The following TMTC1 variants were observed in gnomAD, a reference collection of about 807,000 sequenced individuals.
TMTC1 encodes protein O-mannosyl-transferase TMTC1.
TMTC1 carries 73 observed loss-of-function variants against 104.8 expected under a neutral mutation model. The observed-to-expected ratio is 0.70, with a 90% CI of 0.58 to 0.85. The LOEUF is 0.85. Among genes scored for constraint, TMTC1 ranks in the 40% least tolerant of loss-of-function variants. The pLI, the probability that TMTC1 is intolerant of heterozygous loss-of-function variation, is 0.00. For synonymous variants in TMTC1, 434 were observed against 428.7 expected (o/e 1.01, Z -0.15); for missense variants, 1,035 against 1,096.1 (o/e 0.94, Z 0.79).
intron 10 of TMTC1, among the ~76,000 whole-genome samples, chr12:29,546,265 T>A (rs558250500): frequency 1.3e-5 from 2 of 152,296 alleles, no homozygotes; most frequent in African/African-American, 4.8e-5. Flanking sequence ...AAGTGCCAGT[T>A]ACTGTTGTCC....
rs185977843 is a variant in TMTC1, at chr12:29,730,398, T to C, written c.938+21268A>G. On this transcript the variant is annotated intron_variant, in intron 5 of 17. Coordinates refer to ENST00000539277, the MANE Select transcript of TMTC1 (RefSeq NM_001193451.2). Reference sequence around the variant, plus strand: ...TAAGCTAAATGTCTTATTAGGAATATGTGTCACTTAAAATTCTGAGTTTGG... The same window carrying C: ...TAAGCTAAATGTCTTATTAGGAATACGTGTCACTTAAAATTCTGAGTTTGG... 1.1e-4 allele frequency among the ~76,000 whole-genome samples: 16 copies of C among 152,356 alleles called. 1 individual carries two copies. The highest frequency in any genetic ancestry group is 5.2e-4 in the Admixed American group (8 of 15,304).
chr12:29,716,297 C>T (rs549511374), intron 5 of TMTC1, among the ~76,000 whole-genome samples: 11 of 152,090 alleles, frequency 7.2e-5, no homozygotes, highest in African/African-American at 2.2e-4. Flanking sequence ...TTTGAGATTA[C>T]GGGTATGAGC....
intron 5 of TMTC1, among the ~76,000 whole-genome samples, chr12:29,671,069 G>T (rs548249393): frequency 1.3e-5 from 2 of 151,356 alleles, no homozygotes; most frequent in Non-Finnish European, 2.9e-5. Flanking sequence ...TGAGGTGGGC[G>T]GATCACGAGG....
chr12:29,540,683 TA>T (rs35884497), intron 10 of TMTC1, among the ~76,000 whole-genome samples: 150,734 of 151,546 alleles, frequency 0.99, 74,964 homozygotes, highest in Middle Eastern at 1. Flanking sequence ...TGCATTCGTT[TA>T]AAAAAAAAAA....
In TMTC1 at chr12:29,689,933, G is replaced by T. The variant is rs564710884; in HGVS notation, c.939-56597C>A. Among the ~76,000 whole-genome samples the T allele has an allele frequency of 6.6e-5, 10 of 152,202 alleles. No homozygotes were observed. In the South Asian group the frequency reaches 2.1e-3, roughly 32 times the overall value. Reference sequence around the variant, plus strand: ...AACTGTGTGTTCCTGATTATTACAAGGTAGATCATTGCATATTTGACCAAG... The same window carrying T: ...AACTGTGTGTTCCTGATTATTACAATGTAGATCATTGCATATTTGACCAAG... On this transcript the variant is annotated intron_variant, in intron 5 of 17. Transcript: ENST00000539277.
At chr12:29,524,397 A>C (rs937478979) in intron 11 of TMTC1, among the ~76,000 whole-genome samples, 1 of 152,176 alleles carries the variant, frequency 6.6e-6, no homozygotes, top group Non-Finnish European at 1.5e-5. Context: ...ACATGTAACA[A>C]ATAGAGTCAG....
At chr12:29,608,236 A>G (rs1490209700) in intron 6 of TMTC1, among the ~76,000 whole-genome samples, 2 of 152,206 alleles carry the variant, frequency 1.3e-5, no homozygotes, top group African/African-American at 2.4e-5. Flanking sequence ...ACTAGGAGGG[A>G]ACCCGATTCT....
intron 6 of TMTC1, among the ~76,000 whole-genome samples, chr12:29,615,023 G>C (rs1946941387): frequency 6.6e-6 from 1 of 152,192 alleles, no homozygotes; most frequent in Non-Finnish European, 1.5e-5. Context: ...GCCAATGTCA[G>C]GGAAGCTGCC....
In TMTC1 at chr12:29,644,003, A is replaced by AATATAAATAT. The variant is rs1555180986; in HGVS notation, c.939-10677_939-10668dup. Among the ~76,000 whole-genome samples, 6 of 48,198 alleles carry AATATAAATAT rather than the reference A, an allele frequency of 1.2e-4. No individual in the cohort carries two copies. In the East Asian group the frequency reaches 4.5e-3, roughly 36 times the overall value. The allele number at this position is 48,198 out of a possible 152,430, so 31.6% of individuals were successfully genotyped here. ...TATATAAATATATAATTTATATATA[A>AATATAAATAT]ATATAAATATATAATTTATATATAA... is the stretch of plus-strand genomic sequence containing the variant. On this transcript the variant is annotated intron_variant, in intron 5 of 17. Coordinates refer to ENST00000539277, the MANE Select transcript of TMTC1 (RefSeq NM_001193451.2).
At chr12:29,666,651 G>A (rs1940299755) in intron 5 of TMTC1, among the ~76,000 whole-genome samples, 1 of 152,076 alleles carries the variant, frequency 6.6e-6, no homozygotes, top group African/African-American at 2.4e-5. Flanking sequence ...ACTTTCCACT[G>A]GAAATGGTAA....
chr12:29,702,723 C>G (rs937146534), intron 5 of TMTC1, among the ~76,000 whole-genome samples: 6 of 152,174 alleles, frequency 3.9e-5, no homozygotes, highest in Non-Finnish European at 1.5e-5. Context: ...GCCGGCCACT[C>G]CGTTACTGTA....
In TMTC1 at chr12:29,583,592, A is replaced by G. The variant is rs1341809660; in HGVS notation, c.1251-18T>C. 2 of 1,608,302 alleles carry G rather than the reference A, an allele frequency of 1.2e-6. No homozygotes were observed. Among genetic ancestry groups the G allele is most frequent in the Non-Finnish European group, 1.7e-6 (2 of 1,177,154 alleles). On this transcript the variant is annotated intron_variant, in intron 7 of 17. Transcript: ENST00000539277. ...AGCCCATGCTGGAAAACAGGGTGGAAGGAACGGGATTACTTTGGGGGTGCA... is the reference window on the plus strand; with the variant it reads ...AGCCCATGCTGGAAAACAGGGTGGAGGGAACGGGATTACTTTGGGGGTGCA...
chr12:29,645,763 G>A (rs77089643), intron 5 of TMTC1, among the ~76,000 whole-genome samples: 2,297 of 152,252 alleles, frequency 0.015, 56 homozygotes, highest in African/African-American at 0.053. Flanking sequence ...TGCTGACCAC[G>A]CATCAGGCTC....
Position 29,767,951 on chromosome 12 carries a change from G to A in TMTC1, c.427C>T (p.Leu143Phe), listed in dbSNP as rs1447643947. The A allele has an allele frequency of 6.2e-7, 1 of 1,613,926 alleles. No individual in the cohort carries two copies. The highest frequency in any genetic ancestry group is 1.7e-5 in the Admixed American group (1 of 60,014). Residue 143 changes from leucine (L) to phenylalanine (F), a missense_variant, in exon 2 of 18, where the codon CTT (leucine) becomes TTT (phenylalanine). Physicochemically the swap from Leu to Phe is conservative, Grantham distance 22. Transcript: ENST00000539277. The stretch of plus-strand genomic sequence containing the variant: ...AAAAGCAATGCCGTTACAAAAGCAA[G>A]TCCACGATTCTTGAAGACAGTTTTA... ...CDKTVFKNRG[L>F]AFVTALLFAV...
intron 5 of TMTC1, among the ~76,000 whole-genome samples, chr12:29,646,632 T>C (rs546360452): frequency 1.2e-4 from 18 of 152,274 alleles, no homozygotes; most frequent in African/African-American, 4.3e-4. Context: ...TGTGACAAAT[T>C]AAATAAATTA....
rs1943857175 is a variant in TMTC1 at position 29,512,125 on chromosome 12, A to G, written c.2431-5T>C. 6.2e-7 allele frequency: 1 copy of G among 1,602,942 alleles called. No homozygotes were observed. Among genetic ancestry groups the G allele is most frequent in the Non-Finnish European group, 8.5e-7 (1 of 1,175,380 alleles). ...TTGCACAGCCACTCTATAGCTCTAA[A>G]TAAATAAGAAATATCCTCAGGTTAG... On this transcript the variant is annotated splice_region_variant and splice_polypyrimidine_tract_variant and intron_variant, in intron 16 of 17. Transcript: ENST00000539277.
At chr12:29,530,940 G>C (rs74569366) in intron 11 of TMTC1, among the ~76,000 whole-genome samples, 374 of 152,222 alleles carry the variant, frequency 2.5e-3, no homozygotes, top group African/African-American at 8.7e-3. Context: ...TCAGATTAAA[G>C]GTAACCCTTT....
intron 5 of TMTC1, chr12:29,659,935 GC>G: frequency 4.6e-6 from 7 of 1,536,024 alleles, no homozygotes; most frequent in Non-Finnish European, 6.1e-6. Context: ...GAAAAGAGGG[GC>G]ATAGATCCTC....
chr12:29,595,889 A>T (rs1214153135), intron 7 of TMTC1, among the ~76,000 whole-genome samples: 1 of 152,218 alleles, frequency 6.6e-6, no homozygotes, highest in Non-Finnish European at 1.5e-5. Flanking sequence ...TGACAGACTC[A>T]GCTTTCTTTT....
Sources: allele counts gnomAD v4.1 joint callset (sites outside exome capture counted in the v4.1 genomes callset), GRCh38; gene constraint gnomAD v4.1.1; transcripts MANE v1.5; gene names NCBI Gene and HGNC (gene_info 2026-07-23, HGNC 2026-07-21).